Variants in GMDS observed in about 807,000 individuals in gnomAD.
GMDS encodes the protein GDP-mannose 4,6-dehydratase, also known as GDP-mannose 4,6 dehydratase.
A neutral mutation model predicts 49.9 loss-of-function variants in GMDS; 20 were observed. The ratio of observed to expected loss-of-function variants is 0.40; its 90% CI spans 0.28 to 0.58. The LOEUF (loss-of-function observed/expected upper bound fraction) is 0.58. GMDS is among the 20% of genes least tolerant of loss of function. GMDS has a pLI of 0.42. For synonymous variants in GMDS, 177 were observed against 178.6 expected (o/e 0.99, Z 0.07); for missense variants, 362 against 481.4 (o/e 0.75, Z 2.32).
Position 1,659,071 on chromosome 6 carries a change from C to A in GMDS, c.988-34531G>T, listed in dbSNP as rs2814825. Among the ~76,000 whole-genome samples, 962 of 152,288 alleles carry A rather than the reference C, an allele frequency of 6.3e-3. 10 individuals carry two copies. The highest frequency in any genetic ancestry group is 0.022 in the African/African-American group (906 of 41,554). On this transcript the variant is annotated intron_variant, in intron 9 of 10. Coordinates refer to ENST00000380815, the MANE Select transcript of GMDS (RefSeq NM_001500.4). Reference sequence around the variant, plus strand: ...GGCCAGTGGCAAACTCCTCATGAACCATGGGCCTCTGTGGGGCGTATGCAG... The same window carrying A: ...GGCCAGTGGCAAACTCCTCATGAACAATGGGCCTCTGTGGGGCGTATGCAG...
intron 7 of GMDS, among the ~76,000 whole-genome samples, chr6:1,771,573 GATGC>G (rs1768578006): frequency 6.6e-6 from 1 of 152,198 alleles, no homozygotes; most frequent in Admixed American, 6.5e-5. Flanking sequence ...GAGTAAATTG[GATGC>G]ATGCATCCTA....
At chr6:2,177,978 CT>C (rs1156832403) in intron 1 of GMDS, among the ~76,000 whole-genome samples, 1 of 152,166 alleles carries the variant, frequency 6.6e-6, no homozygotes, top group Non-Finnish European at 1.5e-5. Flanking sequence ...AAATTGTGTC[CT>C]TTGCAGCAAC....
At chr6:2,104,016 C>A (rs1310169276) in intron 4 of GMDS, among the ~76,000 whole-genome samples, 2 of 152,170 alleles carry the variant, frequency 1.3e-5, no homozygotes, top group East Asian at 3.9e-4. Flanking sequence ...TTGCCTGATT[C>A]GTGGACTGAC....
chr6:2,194,328 C>A (rs1779188507), intron 1 of GMDS, among the ~76,000 whole-genome samples: 1 of 151,990 alleles, frequency 6.6e-6, no homozygotes, highest in Admixed American at 6.6e-5. Context: ...ATAATATTCA[C>A]AATACAAAAA....
At chr6:1,626,428 T>G (rs1193043000) in intron 9 of GMDS, among the ~76,000 whole-genome samples, 9 of 152,216 alleles carry the variant, frequency 5.9e-5, no homozygotes, top group Non-Finnish European at 1.0e-4. Context: ...AATAGCAATA[T>G]AAGCAGAAAA....
At chr6:2,185,887 T>C (rs1030019316) in intron 1 of GMDS, among the ~76,000 whole-genome samples, 1 of 152,198 alleles carries the variant, frequency 6.6e-6, no homozygotes, top group Non-Finnish European at 1.5e-5. Context: ...TGTCATTCAA[T>C]CAACTCATTA....
intron 4 of GMDS, among the ~76,000 whole-genome samples, chr6:2,069,133 C>T (rs934900044): frequency 1.3e-5 from 2 of 152,154 alleles, no homozygotes; most frequent in Non-Finnish European, 2.9e-5. Flanking sequence ...ACTATCTGAT[C>T]TTTGACAAAC....
At chr6:1,789,694 C>G (rs984377397) in intron 7 of GMDS, among the ~76,000 whole-genome samples, 3 of 152,014 alleles carry the variant, frequency 2.0e-5, no homozygotes, top group Non-Finnish European at 4.4e-5. Context: ...TGCCACCACA[C>G]TTGGCTAATT....
chr6:2,173,703 G>T (rs1431666453), intron 1 of GMDS, among the ~76,000 whole-genome samples: 2 of 152,164 alleles, frequency 1.3e-5, no homozygotes, highest in African/African-American at 4.8e-5. Context: ...TGATAATCAA[G>T]AGTCAAGGAA....
chr6:2,061,067 T>C (rs1771124787), intron 4 of GMDS, among the ~76,000 whole-genome samples: 1 of 151,188 alleles, frequency 6.6e-6, no homozygotes, highest in African/African-American at 2.4e-5. Flanking sequence ...AAGAAGCAAG[T>C]TGTGAAGGCG....
At chr6:2,067,390 C>A (rs941626205) in intron 4 of GMDS, among the ~76,000 whole-genome samples, 28 of 149,512 alleles carry the variant, frequency 1.9e-4, no homozygotes, top group Non-Finnish European at 2.2e-4. Context: ...CAAAAGCTAG[C>A]AGAAGGCAAG....
chr6:2,085,423 CATT>C (rs1772954990), intron 4 of GMDS, among the ~76,000 whole-genome samples: 1 of 152,122 alleles, frequency 6.6e-6, no homozygotes, highest in Non-Finnish European at 1.5e-5. Context: ...CTTGAATTAA[CATT>C]ATTCTTAATT....
In GMDS at chr6:1,853,452, A is replaced by G. The variant is rs184197787; in HGVS notation, c.771+76651T>C. On this transcript the variant is annotated intron_variant, in intron 7 of 10. Coordinates refer to ENST00000380815, the MANE Select transcript of GMDS (RefSeq NM_001500.4). ...AGAATGGCGTGAACCCGGGAGGCGG[A>G]GCTTGCAGTGAGCTGAGATCGCGCC... 7.5e-3 allele frequency among the ~76,000 whole-genome samples: 1,057 copies of G among 140,294 alleles called. 57 individuals are homozygous for G. Among genetic ancestry groups the G allele is most frequent in the African/African-American group, 0.028 (991 of 35,900 alleles). 92.0% of individuals were successfully genotyped at this position (140,294 alleles called of 152,430 possible).
chr6:1,719,920 A>G lies in GMDS; in HGVS notation c.987+6496T>C, dbSNP rs114562660. Among the ~76,000 whole-genome samples the G allele has an allele frequency of 4.2e-3, 645 of 152,302 alleles. 3 individuals carry two copies. The highest frequency in any genetic ancestry group is 0.015 in the African/African-American group (614 of 41,564). Reference sequence around the variant, plus strand: ...GTCTGCATTATGATTATAAATGAGGATAGTCAGCCATCACCTGGATAGCTT... The same window carrying G: ...GTCTGCATTATGATTATAAATGAGGGTAGTCAGCCATCACCTGGATAGCTT... On this transcript the variant is annotated intron_variant, in intron 9 of 10. Coordinates refer to ENST00000380815, the MANE Select transcript of GMDS (RefSeq NM_001500.4).
intron 7 of GMDS, among the ~76,000 whole-genome samples, chr6:1,794,480 G>T (rs1174723985): frequency 6.6e-6 from 1 of 152,210 alleles, no homozygotes; most frequent in Non-Finnish European, 1.5e-5. Flanking sequence ...TCGAAACCAT[G>T]GAATGTTCTA....
At chr6:2,015,866 T>G (rs1561976921) in intron 4 of GMDS, among the ~76,000 whole-genome samples, 1 of 152,124 alleles carries the variant, frequency 6.6e-6, no homozygotes, top group Non-Finnish European at 1.5e-5. Flanking sequence ...TGACTTTTTC[T>G]TTCCCATTTT....
At chr6:1,986,224 T>C (rs1407299653) in intron 4 of GMDS, among the ~76,000 whole-genome samples, 1 of 152,158 alleles carries the variant, frequency 6.6e-6, no homozygotes, top group East Asian at 1.9e-4. Flanking sequence ...TTTTCTAAAG[T>C]CAGGTGAGAT....
intron 1 of GMDS, among the ~76,000 whole-genome samples, chr6:2,211,478 A>G (rs1780058065): frequency 6.6e-6 from 1 of 152,200 alleles, no homozygotes; most frequent in African/African-American, 2.4e-5. Flanking sequence ...TTTGCATGTT[A>G]AACTTTAGAT....
chr6:2,012,512 T>G (rs535738552), intron 4 of GMDS, among the ~76,000 whole-genome samples: 5 of 152,254 alleles, frequency 3.3e-5, no homozygotes, highest in South Asian at 2.1e-4. Flanking sequence ...GAAATTGGGT[T>G]TACCACTAGT....
Sources: allele counts gnomAD v4.1 joint callset (sites outside exome capture counted in the v4.1 genomes callset), GRCh38; gene constraint gnomAD v4.1.1; transcripts MANE v1.5; gene names NCBI Gene and HGNC (gene_info 2026-07-23, HGNC 2026-07-21).